BANF2: variants seen among roughly 807,000 people sequenced by gnomAD.
BANF2 encodes BANF family member 2.
BANF2 carries 4 observed loss-of-function variants against 8.0 expected under a neutral mutation model. The ratio of observed to expected loss-of-function variants is 0.50; its 90% CI spans 0.25 to 1.14. BANF2 has a LOEUF of 1.14. BANF2 is among the 50% of genes most tolerant of loss of function. The probability of loss-of-function intolerance (pLI) is 0.16; values close to 1 mark genes in which losing one functional copy is unlikely to be tolerated. For synonymous variants in BANF2, 50 were observed against 40.6 expected (o/e 1.23, Z -0.88); for missense variants, 96 against 107.5 (o/e 0.89, Z 0.47).
chr20:17,724,992 T>C (rs1256277853), intron 2 of BANF2, 31 bp from the exon 3 acceptor site: 2 of 1,593,644 alleles, frequency 1.3e-6, no homozygotes, highest in African/African-American at 2.7e-5. Flanking sequence ...AGGTATCTGC[T>C]AATCCTCCTC....
intron 3 of BANF2, among the ~76,000 whole-genome samples, chr20:17,732,407 C>T (rs138283284): frequency 6.6e-6 from 1 of 152,238 alleles, no homozygotes; most frequent in African/African-American, 2.4e-5. Flanking sequence ...CACTCTGTTG[C>T]CCAGGCTGGA....
rs1491179991 is a variant in BANF2 at position 17,708,046 on chromosome 20, C to CAA, written c.-167+8011_-167+8012dup. Among the ~76,000 whole-genome samples the CAA allele has an allele frequency of 4.4e-4, 49 of 111,780 alleles. 2 individuals are homozygous for CAA. The highest frequency in any genetic ancestry group is 1.4e-3 in the African/African-American group (41 of 28,804). 73.3% of individuals were successfully genotyped at this position (111,780 alleles called of 152,430 possible). On this transcript the variant is annotated intron_variant, in intron 1 of 3. Coordinates refer to ENST00000246090, the MANE Select transcript of BANF2 (RefSeq NM_178477.5). ...GTGAAACCCTGTCTCTACTAAAAAT[C>CAA]AAAAAAAAAAAAAAAAAAAAACCAA... is the stretch of plus-strand genomic sequence containing the variant.
At chr20:17,713,388 T>A (rs902137584) in intron 1 of BANF2, among the ~76,000 whole-genome samples, 3 of 152,034 alleles carry the variant, frequency 2.0e-5, no homozygotes, top group African/African-American at 7.3e-5. Flanking sequence ...TCTAAAGTAG[T>A]CAGCTTCATA....
At chr20:17,694,599 CTCT>C (rs1288894976) in intron 1 of BANF2, among the ~76,000 whole-genome samples, 40 of 82,768 alleles carry the variant, frequency 4.8e-4, no homozygotes, top group Non-Finnish European at 6.3e-4. Flanking sequence ...TTTTTTCTCT[CTCT>C]TTTTTTTTTT....
intron 1 of BANF2, among the ~76,000 whole-genome samples, chr20:17,719,104 G>GGTT (rs749534960): frequency 1.7e-4 from 26 of 151,964 alleles, no homozygotes; most frequent in South Asian, 4.2e-4. Flanking sequence ...CCAGGTGCAT[G>GGTT]GTTGTTGTTG....
At chr20:17,716,806 C>A (rs748755761) in intron 1 of BANF2, among the ~76,000 whole-genome samples, 4 of 117,440 alleles carry the variant, frequency 3.4e-5, no homozygotes, top group Admixed American at 1.2e-4. Flanking sequence ...TGTGCCACTG[C>A]ACTTCAGCTT....
At chr20:17,730,699 A>G (rs912653598) in intron 3 of BANF2, among the ~76,000 whole-genome samples, 2 of 152,222 alleles carry the variant, frequency 1.3e-5, no homozygotes, top group Admixed American at 1.3e-4. Flanking sequence ...CAGTGTGGCC[A>G]GGCCCTGCCT....
chr20:17,708,286 T>C (rs1009345534), intron 1 of BANF2, among the ~76,000 whole-genome samples: 4 of 152,048 alleles, frequency 2.6e-5, no homozygotes, highest in Non-Finnish European at 5.9e-5. Flanking sequence ...GCCTGAAATA[T>C]GATGTCAAAT....
upstream of BANF2, among the ~76,000 whole-genome samples, chr20:17,695,225 T>C (rs1341153448): frequency 3.3e-5 from 5 of 151,534 alleles, no homozygotes; most frequent in Non-Finnish European, 7.4e-5. Flanking sequence ...GCCCAGAGGA[T>C]TGCTTGAGCC....
intron 1 of BANF2, among the ~76,000 whole-genome samples, chr20:17,714,214 AG>A (rs1387661293): frequency 7.9e-5 from 11 of 138,868 alleles, no homozygotes; most frequent in African/African-American, 1.4e-4. Flanking sequence ...AAAAAAAAAA[AG>A]AAAGAAAGAA....
chr20:17,705,022 T>G (rs2037462038), intron 1 of BANF2, among the ~76,000 whole-genome samples: 2 of 151,750 alleles, frequency 1.3e-5, no homozygotes, highest in African/African-American at 4.9e-5. Flanking sequence ...ATGCAGTCAC[T>G]GTGGCCAGGA....
intron 1 of BANF2, among the ~76,000 whole-genome samples, chr20:17,703,328 A>G (rs6111622): frequency 0.84 from 127,976 of 152,184 alleles, 54,501 homozygotes; most frequent in East Asian, 0.98. Flanking sequence ...GCAGGGATGC[A>G]GTCTGCCCTC....
chr20:17,735,602 G>T, intron 3 of BANF2, 63 bp from the exon 4 acceptor site: 1 of 1,534,958 alleles, frequency 6.5e-7, no homozygotes, highest in South Asian at 1.1e-5. Flanking sequence ...GGAAGGAAGA[G>T]CGCGTCTGAG....
intron 1 of BANF2, among the ~76,000 whole-genome samples, chr20:17,714,010 A>C (rs2037613510): frequency 6.6e-6 from 1 of 152,044 alleles, no homozygotes; most frequent in South Asian, 2.1e-4. Flanking sequence ...GTTCAAGACC[A>C]GCCTGGCCAA....
upstream of BANF2, among the ~76,000 whole-genome samples, chr20:17,697,743 GAT>G (rs1442741997): frequency 6.6e-6 from 1 of 152,152 alleles, no homozygotes; most frequent in African/African-American, 2.4e-5. Context: ...TGTGGGCACT[GAT>G]ATGGTTTGAA....
Position 17,727,331 on chromosome 20 carries a change from C to A in BANF2, c.126+2180C>A, listed in dbSNP as rs1401926991. ...TATCCTTCGCTTTGAGCCGCCCACACCCGTGATTGAGATGAGGGTCACTCT... is the reference window on the plus strand; with the variant it reads ...TATCCTTCGCTTTGAGCCGCCCACAACCGTGATTGAGATGAGGGTCACTCT... On this transcript the variant is annotated intron_variant, in intron 3 of 3. Coordinates refer to ENST00000246090, the MANE Select transcript of BANF2 (RefSeq NM_178477.5). Among the ~76,000 whole-genome samples the A allele has an allele frequency of 8.5e-5, 13 of 152,256 alleles. No homozygotes were observed. The East Asian group carries it at 2.3e-3, about 27-fold the overall frequency.
intron 1 of BANF2, among the ~76,000 whole-genome samples, chr20:17,716,497 C>A (rs1381414668): frequency 6.6e-6 from 1 of 152,072 alleles, no homozygotes; most frequent in African/African-American, 2.4e-5. Context: ...CCATGCCTGG[C>A]TAATTTTTGT....
rs766588793 is a variant in BANF2, at chr20:17,724,183, T to C, written c.-3-840T>C. Among the ~76,000 whole-genome samples, 188 of 152,276 alleles carry C rather than the reference T, an allele frequency of 1.2e-3. 1 individual carries two copies. The highest frequency in any genetic ancestry group is 1.0e-3 in the Non-Finnish European group (71 of 68,018). Reference sequence around the variant, plus strand: ...CCTAGGAGACTCAACTCCTGGGAGATGGTGGTCCATTTAAAAGTGGAGAGG... The same window carrying C: ...CCTAGGAGACTCAACTCCTGGGAGACGGTGGTCCATTTAAAAGTGGAGAGG... On this transcript the variant is annotated intron_variant, in intron 2 of 3. Transcript: ENST00000246090.
chr20:17,727,259 T>G (rs1414725707), intron 3 of BANF2, among the ~76,000 whole-genome samples: 2 of 152,140 alleles, frequency 1.3e-5, no homozygotes, highest in Non-Finnish European at 2.9e-5. Context: ...AGTGAGCACT[T>G]TCCTAGAGCT....
Sources: allele counts gnomAD v4.1 joint callset (sites outside exome capture counted in the v4.1 genomes callset), GRCh38; gene constraint gnomAD v4.1.1; transcripts MANE v1.5; gene names NCBI Gene and HGNC (gene_info 2026-07-23, HGNC 2026-07-21).